The following METAP1 variants were observed in gnomAD, a reference collection of about 807,000 sequenced individuals.
The protein encoded by METAP1 is methionine aminopeptidase 1.
Under a neutral mutation model 53.8 loss-of-function variants are expected in METAP1, and 28 were observed. That is an observed-to-expected ratio of 0.52 (90% CI 0.39 to 0.71). The LOEUF (loss-of-function observed/expected upper bound fraction) is 0.71, where lower values mean the gene tolerates loss of function less well. METAP1 is among the 30% of genes least tolerant of loss of function. The pLI is 0.00. For synonymous variants in METAP1, 181 were observed against 165.7 expected, an observed-to-expected ratio of 1.09 and a Z score of -0.71; for missense variants, 389 against 479.8, an observed-to-expected ratio of 0.81 and a Z score of 1.77.
At position 99,051,860 on chromosome 4, in the gene METAP1, G is replaced by A. The variant is rs921612360; in HGVS notation, c.931+2984G>A. 2.6e-5 allele frequency among the ~76,000 whole-genome samples: 4 copies of A among 151,964 alleles called. 1 individual carries two copies. The highest frequency in any genetic ancestry group is 5.9e-5 in the Non-Finnish European group (4 of 67,988). On this transcript the variant is annotated intron_variant, in intron 9 of 10. Coordinates refer to ENST00000296411, the MANE Select transcript of METAP1 (RefSeq NM_015143.3). Reference sequence around the variant, plus strand: ...ACTCTATATTCCTAGCCCAAATGAGGGAAGAACCAGGAAATTGTTGTATAA... The same window carrying A: ...ACTCTATATTCCTAGCCCAAATGAGAGAAGAACCAGGAAATTGTTGTATAA...
At chr4:99,059,765 C>G (rs569534307) in intron 10 of METAP1, among the ~76,000 whole-genome samples, 145 of 152,160 alleles carry the variant, frequency 9.5e-4, no homozygotes, top group African/African-American at 3.3e-3. Flanking sequence ...AGTTTTCTTT[C>G]ATGGCCTCCC....
At chr4:99,048,622 G>C (rs1229250009) in intron 8 of METAP1, 111 bp from the exon 9 acceptor site, 1 of 1,177,086 alleles carries the variant, frequency 8.5e-7, no homozygotes, top group African/African-American at 1.5e-5. Flanking sequence ...TTCCTGCCTT[G>C]ACCTCTCAAA....
At position 99,025,603 on chromosome 4, in the gene METAP1, A is replaced by G. The variant is rs1419521916; in HGVS notation, c.115-3264A>G. The G allele has an allele frequency of 2.3e-5, 13 of 572,816 alleles. No homozygotes were observed. The Admixed American group carries it at 7.6e-4, about 34-fold the overall frequency. The allele number at this position is 572,816 out of a possible 1,614,324, so 35.5% of individuals were successfully genotyped here. On this transcript the variant is annotated intron_variant, in intron 1 of 10. Coordinates refer to ENST00000296411, the MANE Select transcript of METAP1 (RefSeq NM_015143.3). ...CACACTATCCCATTTTAGCTTGTAA[A>G]CCAAAAAAATAAAATTTGAACTGCC...
At chr4:99,016,565 C>T (rs1579257401) in intron 1 of METAP1, among the ~76,000 whole-genome samples, 1 of 152,312 alleles carries the variant, frequency 6.6e-6, no homozygotes, top group East Asian at 1.9e-4. Context: ...AAGGCCGTCA[C>T]TATATTACTG....
At chr4:99,057,983 G>A (rs1483641733) in intron 10 of METAP1, among the ~76,000 whole-genome samples, 165 bp downstream of exon 10, 2 of 152,136 alleles carry the variant, frequency 1.3e-5, no homozygotes, top group Admixed American at 6.6e-5. Flanking sequence ...AATTGTGAGG[G>A]TTGGCAAGAA....
At chr4:99,035,258 G>A (rs1005975980) in intron 3 of METAP1, 142 bp from the exon 4 acceptor site, 4 of 631,682 alleles carry the variant, frequency 6.3e-6, no homozygotes, top group Non-Finnish European at 8.2e-6. Flanking sequence ...GAAAAGTAAA[G>A]CATAATCTTA....
chr4:99,026,113 C>T (rs2110324148), intron 1 of METAP1: 1 of 476,444 alleles, frequency 2.1e-6, no homozygotes, highest in Non-Finnish European at 2.7e-6. Flanking sequence ...TGTCAGTACT[C>T]CCTGAGGCTG....
intron 1 of METAP1, among the ~76,000 whole-genome samples, chr4:98,996,541 T>C (rs1343967772): frequency 2.0e-5 from 3 of 152,274 alleles, no homozygotes; most frequent in African/African-American, 7.2e-5. Context: ...TATAAAATTA[T>C]TAATTTACAA....
intron 4 of METAP1, among the ~76,000 whole-genome samples, chr4:99,037,498 AG>A (rs1209257979): frequency 6.6e-5 from 10 of 151,984 alleles, no homozygotes; most frequent in Non-Finnish European, 1.2e-4. Flanking sequence ...GGAGTTAAAT[AG>A]GGATGCAACT....
chr4:99,059,377 A>G (rs1727379792), intron 10 of METAP1, among the ~76,000 whole-genome samples: 1 of 152,214 alleles, frequency 6.6e-6, no homozygotes, highest in Admixed American at 6.5e-5. Context: ...TACATTGAAA[A>G]ACATCGATGT....
rs78437310 is a variant in METAP1 at position 99,012,652 on chromosome 4, G to GTTT, written c.115-16191_115-16189dup. On this transcript the variant is annotated intron_variant, in intron 1 of 10. Coordinates refer to ENST00000296411, the MANE Select transcript of METAP1 (RefSeq NM_015143.3). ...AACATCTTTGGCTGTATCCCATAAAGTTTTTTTTTTTTTTTTTTTTTTTTT... is the reference window on the plus strand; with the variant it reads ...AACATCTTTGGCTGTATCCCATAAAGTTTTTTTTTTTTTTTTTTTTTTTTTTTT... 1.7e-3 allele frequency among the ~76,000 whole-genome samples: 153 copies of GTTT among 90,374 alleles called. 8 individuals carry two copies. The highest frequency in any genetic ancestry group is 2.8e-3 in the Non-Finnish European group (130 of 45,934). 59.3% of individuals were successfully genotyped at this position (90,374 alleles called of 152,430 possible).
At chr4:99,058,167 G>A (rs1386398248) in intron 10 of METAP1, among the ~76,000 whole-genome samples, 1 of 152,184 alleles carries the variant, frequency 6.6e-6, no homozygotes, top group East Asian at 1.9e-4. Flanking sequence ...GAACAGAGCA[G>A]AGCATTGACG....
intron 1 of METAP1, among the ~76,000 whole-genome samples, chr4:99,019,588 C>T (rs1478563692): frequency 2.6e-5 from 4 of 152,154 alleles, no homozygotes; most frequent in Non-Finnish European, 5.9e-5. Context: ...CCCTGCCTCT[C>T]TGTGAGATGG....
At chr4:99,000,233 A>T (rs1440679641) in intron 1 of METAP1, among the ~76,000 whole-genome samples, 3 of 152,218 alleles carry the variant, frequency 2.0e-5, no homozygotes, top group African/African-American at 7.2e-5. Context: ...TGTGAATAGC[A>T]TAGGGCAGTT....
chr4:98,998,874 G>C (rs1454548674), intron 1 of METAP1, among the ~76,000 whole-genome samples: 1 of 151,360 alleles, frequency 6.6e-6, no homozygotes, highest in African/African-American at 2.4e-5. Flanking sequence ...GCAATGGTGC[G>C]ATCTCGACTC....
chr4:99,021,363 AT>A (rs1404965857), intron 1 of METAP1, among the ~76,000 whole-genome samples: 2 of 152,074 alleles, frequency 1.3e-5, no homozygotes, highest in Non-Finnish European at 2.9e-5. Context: ...TGTCCCCTGC[AT>A]TGCTGAGAAT....
At chr4:99,043,747 A>T (rs1726033824) in intron 7 of METAP1, among the ~76,000 whole-genome samples, 1 of 152,106 alleles carries the variant, frequency 6.6e-6, no homozygotes, top group African/African-American at 2.4e-5. Flanking sequence ...ATACAGGAAA[A>T]CCCTTCATAA....
chr4:99,031,085 A>G (rs892760238), intron 2 of METAP1, among the ~76,000 whole-genome samples: 1 of 150,108 alleles, frequency 6.7e-6, no homozygotes, highest in Admixed American at 6.7e-5. Flanking sequence ...TGAGTTAAAT[A>G]AATGACTCAA....
intron 2 of METAP1, among the ~76,000 whole-genome samples, chr4:99,032,210 G>GTT (rs150846945): frequency 8.8e-5 from 13 of 147,046 alleles, no homozygotes; most frequent in African/African-American, 3.0e-4. Context: ...CTTTACATTC[G>GTT]TTTTTTTTTT....
Sources: allele counts gnomAD v4.1 joint callset (sites outside exome capture counted in the v4.1 genomes callset), GRCh38; gene constraint gnomAD v4.1.1; transcripts MANE v1.5; gene names NCBI Gene and HGNC (gene_info 2026-07-23, HGNC 2026-07-21).